MDM4: variants seen among roughly 807,000 people sequenced by gnomAD.
MDM4 encodes MDM4 regulator of p53, also known as protein Mdm4.
In MDM4, 2 loss-of-function variants were observed where a neutral mutation model predicts 60.2. That is an observed-to-expected ratio of 0.03 (90% CI 0.01 to 0.10). The LOEUF is 0.10. Ranked by LOEUF, MDM4 falls within the 10% of genes least tolerant of loss-of-function variation. The pLI, the probability that MDM4 is intolerant of heterozygous loss-of-function variation, is 1.00. For synonymous variants in MDM4, 202 were observed against 198.1 expected (o/e 1.02, Z -0.17); for missense variants, 447 against 577.5 (o/e 0.77, Z 2.32).
At position 204,549,326 on chromosome 1, in the gene MDM4, C is replaced by G. The variant is rs2102456438; in HGVS notation, c.1117C>G (p.Pro373Ala). 1 of 1,614,088 alleles carries G rather than the reference C, an allele frequency of 6.2e-7. No individual in the cohort carries two copies. Among genetic ancestry groups the G allele is most frequent in the Non-Finnish European group, 8.5e-7 (1 of 1,180,002 alleles). The change falls in exon 11 of 11, where the codon CCT becomes GCT. Residue 373 changes from proline (P) to alanine (A), a missense_variant. Coordinates refer to ENST00000367182, the MANE Select transcript of MDM4 (RefSeq NM_002393.5). Reference sequence around the variant, plus strand: ...AACCATTTCGGCTCCTGTCGTTAGACCTAAAGATGCGTATATAAAGAAAGA... The same window carrying G: ...AACCATTTCGGCTCCTGTCGTTAGAGCTAAAGATGCGTATATAAAGAAAGA... ...RRTISAPVVR[P>A]KDAYIKKENS...
At chr1:204,537,718 T>G in intron 6 of MDM4, 1 of 604,954 alleles carries the variant, frequency 1.7e-6, no homozygotes, top group Non-Finnish European at 3.0e-6. Flanking sequence ...CTTCTGATCT[T>G]CAGTTCTTCC....
chr1:204,549,606 G>T lies in MDM4; in HGVS notation c.1397G>T (p.Arg466Ile). Residue 466 changes from arginine to isoleucine, a missense_variant, in exon 11 of 11, where the codon AGA becomes ATA. Coordinates refer to ENST00000367182, the MANE Select transcript of MDM4 (RefSeq NM_002393.5). Reference protein sequence around the residue: ...HLVTCFHCARRLKKAGASCPI... With the variant: ...HLVTCFHCARILKKAGASCPI... ...GTCACTTGTTTTCACTGTGCCAGAA[G>T]ACTAAAGAAGGCTGGGGCTTCATGC... The T allele has an allele frequency of 6.2e-7, 1 of 1,607,594 alleles. No individual in the cohort carries two copies. The highest frequency in any genetic ancestry group is 8.5e-7 in the Non-Finnish European group (1 of 1,178,558).
chr1:204,536,549 C>A (rs1293562065), intron 5 of MDM4, among the ~76,000 whole-genome samples: 5 of 152,156 alleles, frequency 3.3e-5, no homozygotes, highest in African/African-American at 1.2e-4. Context: ...GTGAACCTGA[C>A]CCACAGTAGA....
At chr1:204,548,746 T>C (rs575798956) in intron 10 of MDM4, among the ~76,000 whole-genome samples, 32 of 152,192 alleles carry the variant, frequency 2.1e-4, no homozygotes, top group Non-Finnish European at 4.0e-4. Context: ...AGTATTCTCT[T>C]CATTCTTCAG....
chr1:204,529,398 C>T, intron 3 of MDM4: 1 of 1,154,426 alleles, frequency 8.7e-7, no homozygotes, highest in Non-Finnish European at 1.3e-6. Flanking sequence ...CTGCTGGGCA[C>T]CGTAGGAATT....
At chr1:204,541,853 G>A (rs1662115747) in intron 7 of MDM4, among the ~76,000 whole-genome samples, 1 of 152,184 alleles carries the variant, frequency 6.6e-6, no homozygotes, top group African/African-American at 2.4e-5. Flanking sequence ...CCCATGTATT[G>A]CAGAAATTCT....
At chr1:204,546,392 A>T (rs572542423) in intron 9 of MDM4, among the ~76,000 whole-genome samples, 2 of 152,058 alleles carry the variant, frequency 1.3e-5, no homozygotes, top group Non-Finnish European at 2.9e-5. Context: ...TTGCAGAGAC[A>T]GGGTCTTGCT....
chr1:204,528,805 A>C, intron 3 of MDM4: 1 of 1,294,144 alleles, frequency 7.7e-7, no homozygotes, highest in Non-Finnish European at 1.1e-6. Context: ...GAAGCCAGGA[A>C]AGGTCCCTGG....
rs5780238 is a variant in MDM4, at chr1:204,557,929, T to TAAC, written c.*8254_*8256dup. The TAAC allele has an allele frequency of 2.3e-5, 4 of 170,890 alleles. No homozygotes were observed. Among genetic ancestry groups the TAAC allele is most frequent in the African/African-American group, 7.7e-5 (3 of 39,214 alleles). 10.6% of individuals were successfully genotyped at this position (170,890 alleles called of 1,614,324 possible). On this transcript the variant is annotated 3_prime_UTR_variant, in exon 11 of 11. Transcript: ENST00000367182. ...CTAATAATAATAATAATAATAATAATAACAACAACTTATTGAATGTGGCCA... is the reference window on the plus strand; with the variant it reads ...CTAATAATAATAATAATAATAATAATAACAACAACAACTTATTGAATGTGGCCA...
chr1:204,519,213 A>C (rs1659302524), intron 1 of MDM4, among the ~76,000 whole-genome samples: 1 of 152,232 alleles, frequency 6.6e-6, no homozygotes, highest in Non-Finnish European at 1.5e-5. Context: ...GCTGTTGAGC[A>C]GGGCCTGACA....
At chr1:204,522,240 A>T (rs1355537546) in intron 1 of MDM4, among the ~76,000 whole-genome samples, 4 of 151,864 alleles carry the variant, frequency 2.6e-5, no homozygotes, top group Non-Finnish European at 4.4e-5. Flanking sequence ...AGGTGGGAGG[A>T]CTGCTTGAGC....
At chr1:204,525,679 C>A (rs2102316143) in intron 2 of MDM4, 83 bp downstream of exon 2, 1 of 930,230 alleles carries the variant, frequency 1.1e-6, no homozygotes, top group Non-Finnish European at 1.6e-6. Context: ...TGACTGTAAT[C>A]CCAGCACTTT....
chr1:204,519,175 C>G (rs1300371048), intron 1 of MDM4, among the ~76,000 whole-genome samples: 1 of 152,098 alleles, frequency 6.6e-6, no homozygotes, highest in Non-Finnish European at 1.5e-5. Context: ...GGGGATAGAC[C>G]ACGTGTTTAT....
chr1:204,556,781 G>T lies in MDM4; in HGVS notation c.*7099G>T, dbSNP rs564454323. 2.3e-5 allele frequency: 5 copies of T among 213,758 alleles called. No individual in the cohort carries two copies. Among genetic ancestry groups the T allele is most frequent in the Admixed American group, 1.8e-4 (3 of 17,128 alleles). 13.2% of individuals were successfully genotyped at this position (213,758 alleles called of 1,614,324 possible). A position where few individuals can be genotyped will look rare whatever the true frequency, so the allele number is the denominator to read the frequency against. On this transcript the variant is annotated 3_prime_UTR_variant, in exon 11 of 11. Coordinates refer to ENST00000367182, the MANE Select transcript of MDM4 (RefSeq NM_002393.5). ...TTTCACTTTCTTTTCAATGAGAATC[G>T]AAGTGTTTCTTTTGGGTTTTTTTTT...
chr1:204,532,985 A>G (rs557010698), intron 5 of MDM4, among the ~76,000 whole-genome samples: 15 of 152,342 alleles, frequency 9.8e-5, no homozygotes, highest in African/African-American at 3.1e-4. Context: ...CTGCCTGTCT[A>G]TTTTAGTCAG....
intron 7 of MDM4, 72 bp from the exon 8 acceptor site, chr1:204,542,712 A>T: frequency 8.8e-7 from 1 of 1,139,056 alleles, no homozygotes; most frequent in Non-Finnish European, 1.2e-6. Context: ...AAGAAGTTTT[A>T]AGTATTCTAA....
intron 1 of MDM4, among the ~76,000 whole-genome samples, chr1:204,519,669 C>T (rs1221813255): frequency 1.3e-5 from 2 of 151,992 alleles, no homozygotes; most frequent in Admixed American, 1.3e-4. Flanking sequence ...AAAAAACTAG[C>T]TGGATTAGGT....
chr1:204,540,975 G>A (rs1488218858), intron 7 of MDM4, among the ~76,000 whole-genome samples: 1 of 152,116 alleles, frequency 6.6e-6, no homozygotes, highest in Non-Finnish European at 1.5e-5. Context: ...ATTTGAATAA[G>A]TTTATCATGC....
intron 1 of MDM4, among the ~76,000 whole-genome samples, chr1:204,522,681 A>T (rs890274266): frequency 2.6e-5 from 4 of 152,156 alleles, no homozygotes; most frequent in Admixed American, 6.5e-5. Flanking sequence ...CTGAGATTAT[A>T]GGCGTGAGCC....
Sources: gnomAD v4.1 joint callset for allele counts (sites outside exome capture counted in the v4.1 genomes callset) on GRCh38, gnomAD v4.1.1 for gene constraint, MANE v1.5 for transcripts, NCBI Gene and HGNC (gene_info 2026-07-23, HGNC 2026-07-21) for gene names.